Variants in PCNT observed in about 807,000 individuals in gnomAD.
PCNT encodes the protein kendrin.
Under a neutral mutation model 380.4 loss-of-function variants are expected in PCNT, and 319 were observed. That is an observed-to-expected ratio of 0.84 (90% confidence interval 0.77 to 0.92). The LOEUF is 0.92. Among genes scored for constraint, PCNT ranks in the 40% least tolerant of loss-of-function variants. The pLI is 0.00. For synonymous variants in PCNT, 1,845 were observed against 1,735.2 expected (o/e 1.06, Z -1.57); for missense variants, 4,400 against 4,255.3 (o/e 1.03, Z -0.95).
At chr21:46,397,888 G>T (rs940513246) in intron 22 of PCNT, 126 bp from the exon 23 acceptor site, 2 of 710,920 alleles carry the variant, frequency 2.8e-6, no homozygotes, top group African/African-American at 3.5e-5. Flanking sequence ...TGATGAGGGG[G>T]GTATTTGGAG....
In PCNT at chr21:46,431,915, TTC is replaced by T; in HGVS notation, c.8454_8455del (p.Gln2819AlafsTer4). The T allele has an allele frequency of 6.2e-7, 1 of 1,614,064 alleles. No individual in the cohort carries two copies. ...AAAAGGTGCAGCAGCAAGCCCTGCA[TTC>T]TCAGCAGCAGCTTGAGGCTGAGGCT... The part of the protein sequence containing the change: ...LEKVQQQALH[S>X]QQQLEAEAQK... On this transcript the variant is annotated frameshift_variant, in exon 38 of 47. Transcript: ENST00000359568. LOFTEE classifies it high-confidence loss of function.
Position 46,357,159 on chromosome 21 carries a change from C to T in PCNT, c.2122C>T (p.His708Tyr). 6.2e-7 allele frequency: 1 copy of T among 1,613,384 alleles called. No homozygotes were observed. The highest frequency in any genetic ancestry group is 8.5e-7 in the Non-Finnish European group (1 of 1,179,310). ...TAGAAATTTGTATGGGAAGTTGCAG[C>T]ATGAAACTCGTCTGAAGGACGATTT... ...ENRNLYGKLQ[H>Y]ETRLKDDLEK... Residue 708 changes from histidine (H) to tyrosine (Y), a missense_variant, in exon 13 of 47, where the codon CAT (histidine) becomes TAT (tyrosine). His to Tyr is a moderately conservative substitution (Grantham distance 83). Transcript: ENST00000359568.
At chr21:46,390,979 G>A in intron 20 of PCNT, 147 bp downstream of exon 20, 2 of 1,181,126 alleles carry the variant, frequency 1.7e-6, no homozygotes, top group East Asian at 5.1e-5. Flanking sequence ...GGTTTGGGAG[G>A]AATGGGGTGG....
chr21:46,359,770 A>AC (rs1451386030), intron 13 of PCNT, among the ~76,000 whole-genome samples: 6 of 151,796 alleles, frequency 4.0e-5, no homozygotes, highest in Non-Finnish European at 5.9e-5. Flanking sequence ...TACAGGCGTG[A>AC]GCCACCGTAC....
At chr21:46,392,485 T>A (rs1383326808) in intron 21 of PCNT, among the ~76,000 whole-genome samples, 2 of 152,216 alleles carry the variant, frequency 1.3e-5, no homozygotes, top group African/African-American at 4.8e-5. Flanking sequence ...CCTCCCATAG[T>A]GCTGGGATCG....
intron 21 of PCNT, among the ~76,000 whole-genome samples, chr21:46,392,168 T>A (rs2086055759): frequency 6.6e-6 from 1 of 152,168 alleles, no homozygotes; most frequent in Non-Finnish European, 1.5e-5. Flanking sequence ...CTGTCTTCTG[T>A]CTTGCTGATT....
chr21:46,427,909 C>T (rs545499374), intron 34 of PCNT, 114 bp downstream of exon 34: 43 of 1,180,052 alleles, frequency 3.6e-5, no homozygotes, highest in Admixed American at 1.5e-4. Flanking sequence ...TTCTCTCGAC[C>T]GCTGGAATGT....
At position 46,411,570 on chromosome 21, in the gene PCNT, C is replaced by T. The variant is rs755515928; in HGVS notation, c.5497C>T (p.Leu1833=). 7 of 1,612,520 alleles carry T rather than the reference C, an allele frequency of 4.3e-6. No homozygotes were observed. Among genetic ancestry groups the T allele is most frequent in the Non-Finnish European group, 5.9e-6 (7 of 1,179,696 alleles). ...CCAGGGCGCAGAGGAGGCTGCGGAG[C>T]TACAGCTGGCTGAGCTGGAGCGCAA... ...RLQGAEEAAE[L]QLAELERNVA... Residue 1833 remains leucine (L), a synonymous_variant, in exon 28 of 47, where the codon CTA becomes TTA. Coordinates refer to ENST00000359568, the MANE Select transcript of PCNT (RefSeq NM_006031.6).
At chr21:46,383,838 G>A (rs1422441281) in intron 16 of PCNT, among the ~76,000 whole-genome samples, 4 of 143,520 alleles carry the variant, frequency 2.8e-5, no homozygotes, top group African/African-American at 7.7e-5. Context: ...TGGCGGAAGC[G>A]CATTCACCAT....
intron 15 of PCNT, among the ~76,000 whole-genome samples, chr21:46,368,821 G>A (rs2085019629): frequency 6.6e-6 from 1 of 152,232 alleles, no homozygotes; most frequent in African/African-American, 2.4e-5. Flanking sequence ...TACCTTGTCA[G>A]ACGTTTAAGA....
chr21:46,424,814 A>C (rs2087426942), intron 32 of PCNT, among the ~76,000 whole-genome samples: 1 of 148,474 alleles, frequency 6.7e-6, no homozygotes, highest in Admixed American at 6.8e-5. Flanking sequence ...GCTCTGCCGC[A>C]GACCTCAGTT....
chr21:46,432,096 T>C lies in PCNT; in HGVS notation c.8632T>C (p.Ser2878Pro). ...PAWLQAELEQ[S>P]HPRLKEQEGR... ...GTGGTTGCAGGCAGAATTAGAGCAG[T>C]CACACCCACGGTTGAAAGAGCAAGA... Residue 2878 changes from serine to proline, a missense_variant, in exon 38 of 47, where the codon TCA becomes CCA. Physicochemically the swap from Ser to Pro is moderately conservative, Grantham distance 74. Coordinates refer to ENST00000359568, the MANE Select transcript of PCNT (RefSeq NM_006031.6). The C allele has an allele frequency of 6.2e-7, 1 of 1,614,010 alleles. No individual in the cohort carries two copies.
chr21:46,375,730 G>A (rs1952398070), intron 15 of PCNT, among the ~76,000 whole-genome samples: 1 of 152,136 alleles, frequency 6.6e-6, no homozygotes, highest in Non-Finnish European at 1.5e-5. Flanking sequence ...GGGCCTGCAT[G>A]CCTGTGACCT....
intron 11 of PCNT, 69 bp from the exon 12 acceptor site, chr21:46,355,383 T>TGA (rs2084434355): frequency 6.6e-7 from 1 of 1,505,324 alleles, no homozygotes; most frequent in Non-Finnish European, 9.2e-7. Context: ...GAAACACCTT[T>TGA]GAGGGTTATA....
intron 38 of PCNT, among the ~76,000 whole-genome samples, 200 bp from the exon 39 acceptor site, chr21:46,435,704 G>A (rs982190145): frequency 6.6e-5 from 10 of 151,826 alleles, no homozygotes; most frequent in African/African-American, 1.9e-4. Flanking sequence ...CACCACGCCC[G>A]GCTAATTTTT....
chr21:46,360,150 C>G (rs2084652568), intron 13 of PCNT, among the ~76,000 whole-genome samples: 1 of 151,426 alleles, frequency 6.6e-6, no homozygotes, highest in Non-Finnish European at 1.5e-5. Flanking sequence ...AGCCACTGCA[C>G]CTGGCCTACT....
At chr21:46,375,249 G>A (rs990014810) in intron 15 of PCNT, among the ~76,000 whole-genome samples, 3 of 152,068 alleles carry the variant, frequency 2.0e-5, no homozygotes, top group Non-Finnish European at 2.9e-5. Flanking sequence ...TGCTCAAGGC[G>A]GTGTCATCTT....
chr21:46,439,853 C>T (rs2053560727), intron 41 of PCNT, among the ~76,000 whole-genome samples: 1 of 152,194 alleles, frequency 6.6e-6, no homozygotes, highest in Non-Finnish European at 1.5e-5. Context: ...AATCATACTT[C>T]AGCAAGTGGC....
chr21:46,445,465 T>G lies in PCNT; in HGVS notation c.*138T>G. ...GACACCAGCCCCCAGATGCCTTGAA[T>G]TAAGTGTCCTCACCTTTATGCATGA... On this transcript the variant is annotated 3_prime_UTR_variant, in exon 47 of 47. Transcript: ENST00000359568. The G allele has an allele frequency of 1.3e-6, 1 of 769,156 alleles. No homozygotes were observed. The highest frequency in any genetic ancestry group is 2.4e-6 in the Non-Finnish European group (1 of 420,326). 47.6% of individuals were successfully genotyped at this position (769,156 alleles called of 1,614,324 possible). A position where few individuals can be genotyped will look rare whatever the true frequency, so the allele number is the denominator to read the frequency against.
Sources: allele counts gnomAD v4.1 joint callset (sites outside exome capture counted in the v4.1 genomes callset), GRCh38; gene constraint gnomAD v4.1.1; transcripts MANE v1.5; gene names NCBI Gene and HGNC (gene_info 2026-07-23, HGNC 2026-07-21).